The following IRF9 variants were observed in gnomAD, a reference collection of about 807,000 sequenced individuals.
The protein encoded by IRF9 is interferon regulatory factor 9.
A neutral mutation model predicts 44.1 loss-of-function variants in IRF9; 13 were observed. The ratio of observed to expected loss-of-function variants is 0.29; its 90% CI spans 0.19 to 0.47. The LOEUF is 0.47. IRF9 is among the 20% of genes least tolerant of loss of function. The pLI is 1.00. For synonymous variants in IRF9, 189 were observed against 188.5 expected (o/e 1.00, Z -0.02); for missense variants, 373 against 496.1 (o/e 0.75, Z 2.36).
Position 24,164,357 on chromosome 14 carries a change from A to G in IRF9, c.649+223A>G, listed in dbSNP as rs1425727924. On this transcript the variant is annotated intron_variant, in intron 6 of 8. Transcript: ENST00000396864. This position sits in a 1 kb window ranked among gnomAD's most constrained non-coding sequence, Gnocchi z 5.2. ...ACCCTATACACTCTCCTGGAAATCTACATTGAGACATTGATTTCATTGGGC... is the reference window on the plus strand; with the variant it reads ...ACCCTATACACTCTCCTGGAAATCTGCATTGAGACATTGATTTCATTGGGC... 2 of 603,596 alleles carry G rather than the reference A, an allele frequency of 3.3e-6. No individual in the cohort carries two copies. Among genetic ancestry groups the G allele is most frequent in the South Asian group, 2.1e-5 (1 of 48,180 alleles). 37.4% of individuals were successfully genotyped at this position (603,596 alleles called of 1,614,324 possible).
chr14:24,161,365 G>C (rs984527316), intron 1 of IRF9, 27 bp downstream of exon 1: 15 of 152,418 alleles, frequency 9.8e-5, no homozygotes, highest in African/African-American at 3.6e-4. Context: ...ATGGGAGTCA[G>C]CCTGGGATCT....
rs1566620466 is a variant in IRF9, at chr14:24,164,177, A to C, written c.649+43A>C. The C allele has an allele frequency of 6.5e-7, 1 of 1,541,142 alleles. No homozygotes were observed. The highest frequency in any genetic ancestry group is 1.7e-5 in the Admixed American group (1 of 59,856). On this transcript the variant is annotated intron_variant, in intron 6 of 8. Coordinates refer to ENST00000396864, the MANE Select transcript of IRF9 (RefSeq NM_006084.5). The surrounding 1 kb of genome is among the most constrained non-coding windows in gnomAD (Gnocchi z 5.2). ...CTTTCTCCTGTGCCCTGTGCCCCTG[A>C]GGTCTTCCACCTTTGACTATGCATG...
rs781550779 is a variant in IRF9, at chr14:24,164,840, C to T, written c.876C>T (p.Arg292=). The T allele has an allele frequency of 1.1e-5, 18 of 1,610,492 alleles. No individual in the cohort carries two copies. Among genetic ancestry groups the T allele is most frequent in the Non-Finnish European group, 1.4e-5 (16 of 1,179,982 alleles). ...ACCCCCGAGGCCTCTTCGTGCAGCG[C>T]CTTTGCCCCATCCCCATCTCCTGGA... ...ASNPRGLFVQ[R]LCPIPISWNA... Residue 292 remains arginine, a synonymous_variant, in exon 7 of 9, where the codon CGC becomes CGT. Transcript: ENST00000396864. This position sits in a 1 kb window ranked among gnomAD's most constrained non-coding sequence, Gnocchi z 5.2.
In IRF9 at chr14:24,164,015, A is replaced by T; in HGVS notation, c.578-48A>T. ...CCCATGCCACACCCTCTGGCCCAAG[A>T]CTCCCCAGTCCCACTCTGAATGACC... On this transcript the variant is annotated intron_variant, in intron 5 of 8. Transcript: ENST00000396864. This position sits in a 1 kb window ranked among gnomAD's most constrained non-coding sequence, Gnocchi z 5.2. 6.2e-7 allele frequency: 1 copy of T among 1,612,016 alleles called. No homozygotes were observed. The highest frequency in any genetic ancestry group is 8.5e-7 in the Non-Finnish European group (1 of 1,178,830).
rs979934277 is a variant in IRF9, at chr14:24,163,489, T to C, written c.476T>C (p.Leu159Pro). 6 of 1,614,022 alleles carry C rather than the reference T, an allele frequency of 3.7e-6. No individual in the cohort carries two copies. Among genetic ancestry groups the C allele is most frequent in the Non-Finnish European group, 4.2e-6 (5 of 1,180,000 alleles). The change falls in exon 4 of 9, where the codon CTC becomes CCC. Residue 159 changes from leucine to proline, a missense_variant. Physicochemically the swap from Leu to Pro is moderately conservative, Grantham distance 98. Around this residue, in one of 2 missense-constraint regions of IRF9, gnomAD observed 227 missense variants for 255.3 expected, o/e 0.89. Transcript: ENST00000396864. Reference protein sequence around the residue: ...MQNCTLSPSVLQDSLNNEEEG... With the variant: ...MQNCTLSPSVPQDSLNNEEEG... ...AACTGCACACTCAGTCCCTCTGTGC[T>C]CCAGGACTCCCTCAATAATGTAAGA...
intron 2 of IRF9, chr14:24,162,593 A>C: frequency 2.2e-6 from 1 of 447,192 alleles, no homozygotes; most frequent in Non-Finnish European, 4.0e-6. Flanking sequence ...CGAGGTCAAG[A>C]GATCAAGACC....
chr14:24,163,619 G>A (rs3742501), intron 4 of IRF9, 111 bp downstream of exon 4: 21 of 1,311,092 alleles, frequency 1.6e-5, no homozygotes, highest in Admixed American at 6.5e-5. Context: ...GGCAGATCAC[G>A]TGAGGTCAGA....
At position 24,164,341 on chromosome 14, in the gene IRF9, A is replaced by G. The variant is rs950637110; in HGVS notation, c.649+207A>G. The G allele has an allele frequency of 3.4e-6, 2 of 590,788 alleles. No individual in the cohort carries two copies. The highest frequency in any genetic ancestry group is 6.4e-5 in the Admixed American group (2 of 31,446). The allele number at this position is 590,788 out of a possible 1,614,324, so 36.6% of individuals were successfully genotyped here. A position where few individuals can be genotyped will look rare whatever the true frequency, so the allele number is the denominator to read the frequency against. ...GCTTCCCAAAAATACCACCCTATAC[A>G]CTCTCCTGGAAATCTACATTGAGAC... On this transcript the variant is annotated intron_variant, in intron 6 of 8. Coordinates refer to ENST00000396864, the MANE Select transcript of IRF9 (RefSeq NM_006084.5). This position sits in a 1 kb window ranked among gnomAD's most constrained non-coding sequence, Gnocchi z 5.2.
chr14:24,164,014 G>A lies in IRF9; in HGVS notation c.578-49G>A. The A allele has an allele frequency of 6.2e-7, 1 of 1,612,866 alleles. No individual in the cohort carries two copies. The highest frequency in any genetic ancestry group is 1.1e-5 in the South Asian group (1 of 91,018). ...CCCCATGCCACACCCTCTGGCCCAA[G>A]ACTCCCCAGTCCCACTCTGAATGAC... On this transcript the variant is annotated intron_variant, in intron 5 of 8. Transcript: ENST00000396864. This position sits in a 1 kb window ranked among gnomAD's most constrained non-coding sequence, Gnocchi z 5.2.
intron 2 of IRF9, 147 bp from the exon 3 acceptor site, chr14:24,162,819 C>A: frequency 1.6e-6 from 1 of 611,236 alleles, no homozygotes; most frequent in Non-Finnish European, 2.8e-6. Context: ...AAAAAAATTT[C>A]CAAGGATTTC....
intron 3 of IRF9, 42 bp downstream of exon 3, chr14:24,163,191 T>A (rs933179771): frequency 6.2e-7 from 1 of 1,603,688 alleles, no homozygotes; most frequent in Admixed American, 1.7e-5. Context: ...CTCAGCAGAC[T>A]GGGGAGGAAG....
Position 24,166,273 on chromosome 14 carries a change from T to C in IRF9, c.*77T>C, listed in dbSNP as rs758312278. On this transcript the variant is annotated 3_prime_UTR_variant, in exon 9 of 9. Transcript: ENST00000396864. Reference sequence around the variant, plus strand: ...TGAAGTAGACTCATTCTTCACACGATTGACCTGTCCTCTTTGTGATAATTC... The same window carrying C: ...TGAAGTAGACTCATTCTTCACACGACTGACCTGTCCTCTTTGTGATAATTC... The C allele has an allele frequency of 8.1e-7, 1 of 1,234,554 alleles. No homozygotes were observed. The highest frequency in any genetic ancestry group is 1.2e-6 in the Non-Finnish European group (1 of 850,594). 76.5% of individuals were successfully genotyped at this position (1,234,554 alleles called of 1,614,324 possible). A position where few individuals can be genotyped will look rare whatever the true frequency, so the allele number is the denominator to read the frequency against.
At chr14:24,161,867 C>T (rs149971218) in intron 1 of IRF9, among the ~76,000 whole-genome samples, 1 of 152,310 alleles carries the variant, frequency 6.6e-6, no homozygotes, top group African/African-American at 2.4e-5. Flanking sequence ...AAAATTAAGA[C>T]CAGTGCCCAA....
chr14:24,162,886 C>T lies in IRF9; in HGVS notation c.181-80C>T, dbSNP rs746978120. The T allele has an allele frequency of 3.6e-4, 408 of 1,128,888 alleles. 1 individual carries two copies. The highest frequency in any genetic ancestry group is 4.6e-4 in the Admixed American group (22 of 47,516). 69.9% of individuals were successfully genotyped at this position (1,128,888 alleles called of 1,614,324 possible). On this transcript the variant is annotated intron_variant, in intron 2 of 8. Transcript: ENST00000396864. ...AATCCCTTCTGAGCTCAGAGCTGCA[C>T]GCCTGTAAAGCCAGTCCTATTGGAG...
At chr14:24,162,628 T>C (rs1306519499) in intron 2 of IRF9, 1 of 414,504 alleles carries the variant, frequency 2.4e-6, no homozygotes, top group Non-Finnish European at 4.3e-6. Flanking sequence ...GGTGAAACCC[T>C]GTCTCTACTA....
chr14:24,162,072 T>C (rs2038463616), intron 1 of IRF9, 72 bp from the exon 2 acceptor site: 2 of 1,440,438 alleles, frequency 1.4e-6, no homozygotes, highest in Non-Finnish European at 9.5e-7. Context: ...CTAGTCTCAA[T>C]GGCCAGGGTC....
At chr14:24,165,001 T>G (rs2139106123) in intron 7 of IRF9, 46 bp downstream of exon 7, 1 of 1,582,478 alleles carries the variant, frequency 6.3e-7, no homozygotes, top group Non-Finnish European at 8.6e-7. Flanking sequence ...CCCCTACCTC[T>G]TAGTACCCCC....
Position 24,164,579 on chromosome 14 carries a change from T to C in IRF9, c.650-35T>C. On this transcript the variant is annotated intron_variant, in intron 6 of 8. Coordinates refer to ENST00000396864, the MANE Select transcript of IRF9 (RefSeq NM_006084.5). This position sits in a 1 kb window ranked among gnomAD's most constrained non-coding sequence, Gnocchi z 5.2. The stretch of plus-strand genomic sequence containing the variant: ...GAGGGGCTGCTGCCAGCCTGCATGC[T>C]CCTCCAGCACCAGGTAGGGCTGTTC... 6.5e-7 allele frequency: 1 copy of C among 1,536,406 alleles called. No individual in the cohort carries two copies. The highest frequency in any genetic ancestry group is 8.8e-7 in the Non-Finnish European group (1 of 1,133,814).
At chr14:24,163,631 G>T (rs1440334384) in intron 4 of IRF9, 123 bp downstream of exon 4, 2 of 1,196,962 alleles carry the variant, frequency 1.7e-6, no homozygotes, top group Non-Finnish European at 2.4e-6. Context: ...GAGGTCAGAA[G>T]TTCGAAACCA....
Sources: allele counts gnomAD v4.1 joint callset (sites outside exome capture counted in the v4.1 genomes callset), GRCh38; gene constraint gnomAD v4.1.1; regional missense constraint gnomAD v4.1.1; non-coding constraint Gnocchi (gnomAD v3.1); transcripts MANE v1.5; gene names NCBI Gene and HGNC (gene_info 2026-07-23, HGNC 2026-07-21).